ZNF609: variants seen among roughly 807,000 people sequenced by gnomAD.
The protein encoded by ZNF609 is zinc finger protein 609.
A neutral mutation model predicts 109.5 loss-of-function variants in ZNF609; 11 were observed. That is an observed-to-expected ratio of 0.10 (90% confidence interval 0.06 to 0.17). The LOEUF (loss-of-function observed/expected upper bound fraction) is 0.17, where lower values mean the gene tolerates loss of function less well. Ranked by LOEUF, ZNF609 falls within the 10% of genes least tolerant of loss-of-function variation. ZNF609 has a pLI of 1.00. For missense variants in ZNF609, 1,559 were observed against 1,772.4 expected (o/e 0.88, Z 2.16); for synonymous variants, 646 against 662.0 (o/e 0.98, Z 0.37).
chr15:64,660,566 A>G (rs773155241), intron 3 of ZNF609, among the ~76,000 whole-genome samples: 1 of 152,132 alleles, frequency 6.6e-6, no homozygotes, highest in African/African-American at 2.4e-5. Flanking sequence ...AATATTTACT[A>G]TCTGTCCCTT....
chr15:64,511,258 G>T (rs775205408), intron 2 of ZNF609, among the ~76,000 whole-genome samples: 6 of 151,838 alleles, frequency 4.0e-5, no homozygotes, highest in Non-Finnish European at 7.4e-5. Context: ...GATCATCTGA[G>T]GTCAGGAGTT....
chr15:64,538,749 T>G (rs1474990986), intron 2 of ZNF609, among the ~76,000 whole-genome samples: 1 of 152,080 alleles, frequency 6.6e-6, no homozygotes, highest in East Asian at 1.9e-4. Context: ...TTTCTCCATG[T>G]TAGTCAGGCT....
chr15:64,618,057 A>G (rs1895826122), intron 2 of ZNF609, among the ~76,000 whole-genome samples: 1 of 152,132 alleles, frequency 6.6e-6, no homozygotes, highest in Non-Finnish European at 1.5e-5. Flanking sequence ...CTTGGCCCCA[A>G]TTTCCTGACA....
At position 64,680,255 on chromosome 15, in the gene ZNF609, C is replaced by A. The variant is rs779584448; in HGVS notation, c.3840C>A (p.Asp1280Glu). The A allele has an allele frequency of 6.2e-7, 1 of 1,614,068 alleles. No individual in the cohort carries two copies. Among genetic ancestry groups the A allele is most frequent in the Non-Finnish European group, 8.5e-7 (1 of 1,180,044 alleles). Residue 1280 changes from aspartate (D) to glutamate (E), a missense_variant, in exon 7 of 10, where the codon GAC (aspartate) becomes GAA (glutamate). Around this residue, in one of 4 missense-constraint regions of ZNF609, gnomAD observed 1,204 missense variants for 1,314.1 expected, o/e 0.92. Transcript: ENST00000326648. ...AGGTCTCAGGTGGTGAAGATGCTGA[C>A]AAGGCACGAGCCAGCCCCAGTGTGA... Reference protein sequence around the residue: ...GSKVSGGEDADKARASPSVTC... With the variant: ...GSKVSGGEDAEKARASPSVTC...
chr15:64,676,267 C>A lies in ZNF609; in HGVS notation c.3402+11C>A. On this transcript the variant is annotated intron_variant, in intron 5 of 9. Coordinates refer to ENST00000326648, the MANE Select transcript of ZNF609 (RefSeq NM_015042.2). ...CTCTGGTACCGACAGGTAACTGTTG[C>A]CCTGGGAGGAAGTGGAAATACCGTA... 13 of 1,584,572 alleles carry A rather than the reference C, an allele frequency of 8.2e-6. No individual in the cohort carries two copies. The highest frequency in any genetic ancestry group is 1.1e-5 in the Non-Finnish European group (13 of 1,166,180).
intron 3 of ZNF609, chr15:64,631,441 T>G: frequency 1.2e-5 from 9 of 732,056 alleles, no homozygotes; most frequent in South Asian, 1.1e-4. Context: ...GGGGCATTCC[T>G]TTTTGAACAG....
chr15:64,612,172 G>A (rs1389702588), intron 2 of ZNF609, among the ~76,000 whole-genome samples: 4 of 150,818 alleles, frequency 2.7e-5, no homozygotes, highest in Non-Finnish European at 3.0e-5. Context: ...TTTTGAGACG[G>A]AATTCCCCTC....
intron 2 of ZNF609, among the ~76,000 whole-genome samples, chr15:64,605,902 CTTTTTTTTT>C (rs10542161): frequency 1.1e-4 from 8 of 70,696 alleles, no homozygotes; most frequent in Non-Finnish European, 1.9e-4. Flanking sequence ...CCCGGCTAAT[CTTTTTTTTT>C]TTTTTTTTTT....
At chr15:64,578,188 A>G (rs1332114534) in intron 2 of ZNF609, among the ~76,000 whole-genome samples, 1 of 150,836 alleles carries the variant, frequency 6.6e-6, no homozygotes, top group Non-Finnish European at 1.5e-5. Flanking sequence ...ACTGTCGCCC[A>G]GCCTGGAGTG....
chr15:64,468,434 GTT>G (rs201656287), intron 1 of ZNF609, among the ~76,000 whole-genome samples: 1 of 150,482 alleles, frequency 6.6e-6, no homozygotes, highest in Admixed American at 6.6e-5. Flanking sequence ...TTTTTTGTGT[GTT>G]TTTTTTTGTT....
intron 2 of ZNF609, among the ~76,000 whole-genome samples, chr15:64,585,455 CT>C (rs537141853): frequency 6.6e-5 from 10 of 152,266 alleles, no homozygotes; most frequent in African/African-American, 2.2e-4. Context: ...TTGCTGTTGT[CT>C]TTAGCTAATA....
chr15:64,524,235 GTC>G (rs1652930041), intron 2 of ZNF609, among the ~76,000 whole-genome samples: 1 of 152,098 alleles, frequency 6.6e-6, no homozygotes, highest in African/African-American at 2.4e-5. Flanking sequence ...GTCTACTTCT[GTC>G]TCTCTAGAAA....
intron 2 of ZNF609, among the ~76,000 whole-genome samples, chr15:64,541,306 AG>A (rs1894255950): frequency 6.7e-6 from 1 of 150,140 alleles, no homozygotes; most frequent in African/African-American, 2.5e-5. Context: ...GGGCGCCTGT[AG>A]TCCCCGCTAC....
rs1283700021 is a variant in ZNF609, at chr15:64,684,403, G to A, written c.*2717G>A. ...TGCTCACGGGGCTTCCCATAGAGGA[G>A]AAGCTAAAGAGGGAGGGGGCCTCAT... is the stretch of plus-strand genomic sequence containing the variant. On this transcript the variant is annotated 3_prime_UTR_variant, in exon 10 of 10. Transcript: ENST00000326648. The A allele has an allele frequency of 6.6e-6, 1 of 152,300 alleles. No individual in the cohort carries two copies. The highest frequency in any genetic ancestry group is 1.5e-5 in the Non-Finnish European group (1 of 68,114). 9.4% of individuals were successfully genotyped at this position (152,300 alleles called of 1,614,324 possible).
At chr15:64,520,041 G>A (rs1893869230) in intron 2 of ZNF609, among the ~76,000 whole-genome samples, 1 of 152,142 alleles carries the variant, frequency 6.6e-6, no homozygotes, top group Non-Finnish European at 1.5e-5. Context: ...CAGGTGAGTA[G>A]TTTCATCTGT....
At chr15:64,632,899 A>G (rs913211329) in intron 3 of ZNF609, among the ~76,000 whole-genome samples, 2 of 151,080 alleles carry the variant, frequency 1.3e-5, no homozygotes, top group South Asian at 2.1e-4. Context: ...CAGTCTCCCA[A>G]GTAGCTGGGA....
intron 2 of ZNF609, among the ~76,000 whole-genome samples, chr15:64,509,713 C>T (rs1461079067): frequency 6.6e-6 from 1 of 152,182 alleles, no homozygotes; most frequent in African/African-American, 2.4e-5. Context: ...AGAACCATGG[C>T]TTTTGTTTAT....
chr15:64,564,641 A>G (rs1316938181), intron 2 of ZNF609, among the ~76,000 whole-genome samples: 2 of 151,848 alleles, frequency 1.3e-5, no homozygotes, highest in African/African-American at 4.8e-5. Context: ...CACAAGGGAA[A>G]CCAGAATCTG....
At chr15:64,654,467 A>AT (rs1045358158) in intron 3 of ZNF609, 1 of 151,840 alleles carries the variant, frequency 6.6e-6, no homozygotes, top group Non-Finnish European at 1.5e-5. Context: ...TTTTATATAT[A>AT]TTTTTTCTTT....
Sources: gnomAD v4.1 joint callset for allele counts (sites outside exome capture counted in the v4.1 genomes callset) on GRCh38, gnomAD v4.1.1 for gene constraint, gnomAD v4.1.1 regional missense constraint, MANE v1.5 for transcripts, NCBI Gene and HGNC (gene_info 2026-07-23, HGNC 2026-07-21) for gene names.